The following PTPRJ variants were observed in gnomAD, a reference collection of about 807,000 sequenced individuals.
The protein encoded by PTPRJ is protein tyrosine phosphatase receptor type J.
In PTPRJ, 129 loss-of-function variants were observed where a neutral mutation model predicts 141.3. The observed-to-expected ratio is 0.91, with a 90% CI of 0.79 to 1.06. PTPRJ has a LOEUF of 1.06. Among genes scored for constraint, PTPRJ ranks in the 50% least tolerant of loss-of-function variants. PTPRJ has a pLI of 0.00. For missense variants in PTPRJ, 1,601 were observed against 1,679.7 expected, an observed-to-expected ratio of 0.95 and a Z score of 0.82; for synonymous variants, 610 against 640.5, an observed-to-expected ratio of 0.95 and a Z score of 0.72.
chr11:48,164,349 C>T, intron 23 of PTPRJ, 31 bp from the exon 24 acceptor site: 1 of 1,608,542 alleles, frequency 6.2e-7, no homozygotes, highest in Non-Finnish European at 8.5e-7. Context: ...AGGGAACCCA[C>T]TGTAATAGGC....
chr11:48,107,356 G>A (rs1162791374), intron 1 of PTPRJ, among the ~76,000 whole-genome samples: 1 of 152,164 alleles, frequency 6.6e-6, no homozygotes, highest in East Asian at 1.9e-4. Context: ...GAACAAGGCT[G>A]GAAGGCTCAC....
At chr11:48,097,828 G>A (rs961608291) in intron 1 of PTPRJ, among the ~76,000 whole-genome samples, 9 of 152,062 alleles carry the variant, frequency 5.9e-5, no homozygotes, top group African/African-American at 1.7e-4. Flanking sequence ...ATGAGCCACC[G>A]CACCCGGCCT....
intron 1 of PTPRJ, among the ~76,000 whole-genome samples, chr11:48,052,771 T>A (rs1429674913): frequency 6.6e-6 from 1 of 152,046 alleles, no homozygotes; most frequent in African/African-American, 2.4e-5. Context: ...CCTTCATGCA[T>A]CCCTGGGTAA....
rs113996369 is a variant in PTPRJ, at chr11:48,133,499, A to G, written c.1616-2540A>G. 6.8e-3 allele frequency among the ~76,000 whole-genome samples: 1,034 copies of G among 152,304 alleles called. 14 individuals carry two copies. The highest frequency in any genetic ancestry group is 0.024 in the African/African-American group (995 of 41,564). On this transcript the variant is annotated intron_variant, in intron 8 of 24. Transcript: ENST00000418331. ...AAACTCTTAGGGGGGTTACCTTTCT[A>G]TTATCAAATAACCTTTATTGTTATT... is the stretch of plus-strand genomic sequence containing the variant.
At chr11:48,016,736 G>A (rs1565259105) in intron 1 of PTPRJ, among the ~76,000 whole-genome samples, 1 of 152,136 alleles carries the variant, frequency 6.6e-6, no homozygotes, top group Non-Finnish European at 1.5e-5. Flanking sequence ...ACATGTGCCT[G>A]TGTGCTGGGT....
intron 1 of PTPRJ, among the ~76,000 whole-genome samples, chr11:48,074,683 A>G (rs929403550): frequency 1.1e-4 from 17 of 152,234 alleles, no homozygotes; most frequent in Admixed American, 9.2e-4. Context: ...CAGTGTTCAC[A>G]TGATGGTTGT....
chr11:48,000,711 G>A (rs963983211), intron 1 of PTPRJ, among the ~76,000 whole-genome samples: 1 of 151,434 alleles, frequency 6.6e-6, no homozygotes, highest in Non-Finnish European at 1.5e-5. Context: ...TATCCTCCTC[G>A]CTCCTTCTTA....
At chr11:48,078,742 A>G (rs1855479321) in intron 1 of PTPRJ, among the ~76,000 whole-genome samples, 1 of 150,082 alleles carries the variant, frequency 6.7e-6, no homozygotes, top group African/African-American at 2.5e-5. Flanking sequence ...AAAAGAATAT[A>G]TGCTGTGATA....
chr11:48,051,243 C>T (rs1425424119), intron 1 of PTPRJ, among the ~76,000 whole-genome samples: 1 of 151,870 alleles, frequency 6.6e-6, no homozygotes, highest in Non-Finnish European at 1.5e-5. Flanking sequence ...TACAGGTGCG[C>T]ACCACCACGC....
intron 1 of PTPRJ, among the ~76,000 whole-genome samples, chr11:48,069,801 A>T (rs964454919): frequency 2.6e-5 from 4 of 152,204 alleles, no homozygotes; most frequent in African/African-American, 9.6e-5. Context: ...TGGTGAACAA[A>T]TGCAACTTGA....
In PTPRJ at chr11:48,090,827, C is replaced by T. The variant is rs1258819744; in HGVS notation, c.97-19231C>T. 4.6e-5 allele frequency among the ~76,000 whole-genome samples: 7 copies of T among 152,034 alleles called. 1 individual carries two copies. In the South Asian group the frequency reaches 1.0e-3, roughly 23 times the overall value. On this transcript the variant is annotated intron_variant, in intron 1 of 24. Coordinates refer to ENST00000418331, the MANE Select transcript of PTPRJ (RefSeq NM_002843.4). ...GAGCTGTCCGTCCCCTGGTCCTGCC[C>T]GCCTGGTCCTGTGGCCAGCACTCTC...
intron 1 of PTPRJ, among the ~76,000 whole-genome samples, chr11:48,005,889 A>T (rs573929844): frequency 6.6e-6 from 1 of 152,316 alleles, no homozygotes; most frequent in South Asian, 2.1e-4. Context: ...AGGCTCAGTG[A>T]GGTTAAATAA....
chr11:48,010,525 G>A (rs35645291), intron 1 of PTPRJ, among the ~76,000 whole-genome samples: 3 of 151,856 alleles, frequency 2.0e-5, no homozygotes, highest in Non-Finnish European at 4.4e-5. Flanking sequence ...TGGGACTTGA[G>A]TTAGGCTTTT....
chr11:48,135,680 C>T (rs1857084851), intron 8 of PTPRJ, among the ~76,000 whole-genome samples: 1 of 152,032 alleles, frequency 6.6e-6, no homozygotes, highest in African/African-American at 2.4e-5. Flanking sequence ...TGGGTTTTCA[C>T]CATGTTGGCC....
intron 11 of PTPRJ, among the ~76,000 whole-genome samples, chr11:48,140,968 C>T (rs1379785671): frequency 2.0e-5 from 3 of 152,150 alleles, no homozygotes; most frequent in Non-Finnish European, 4.4e-5. Flanking sequence ...GCTGCTGTAT[C>T]AGCACAGGTT....
At chr11:48,149,305 A>T (rs544601238) in intron 15 of PTPRJ, 142 bp from the exon 16 acceptor site, 7 of 664,114 alleles carry the variant, frequency 1.1e-5, no homozygotes, top group Admixed American at 8.8e-5. Context: ...AGGGGGCAGG[A>T]TTTGGTGTCA....
intron 1 of PTPRJ, among the ~76,000 whole-genome samples, chr11:48,012,071 T>C (rs1045150053): frequency 6.6e-6 from 1 of 152,162 alleles, no homozygotes; most frequent in Non-Finnish European, 1.5e-5. Context: ...TATTTTGTAG[T>C]TCGGATGGCT....
intron 1 of PTPRJ, among the ~76,000 whole-genome samples, chr11:48,047,912 C>G (rs1314448464): frequency 6.6e-6 from 1 of 151,876 alleles, no homozygotes; most frequent in Non-Finnish European, 1.5e-5. Context: ...GCAGCCTTCA[C>G]GTCTTGTGGG....
At chr11:48,013,682 G>T (rs1352903429) in intron 1 of PTPRJ, among the ~76,000 whole-genome samples, 1 of 152,096 alleles carries the variant, frequency 6.6e-6, no homozygotes, top group African/African-American at 2.4e-5. Context: ...GGCTGTGTGG[G>T]TAAGTAAGCA....
Sources: gnomAD v4.1 joint callset for allele counts (sites outside exome capture counted in the v4.1 genomes callset) on GRCh38, gnomAD v4.1.1 for gene constraint, MANE v1.5 for transcripts, NCBI Gene and HGNC (gene_info 2026-07-23, HGNC 2026-07-21) for gene names.